Variants in SEC31A observed in about 807,000 individuals in gnomAD.
SEC31A encodes protein transport protein Sec31A.
In SEC31A, 70 loss-of-function variants were observed where a neutral mutation model predicts 151.0. The ratio of observed to expected loss-of-function variants is 0.46; its 90% CI spans 0.38 to 0.57. The LOEUF (loss-of-function observed/expected upper bound fraction) is 0.57, where lower values mean the gene tolerates loss of function less well. Among genes scored for constraint, SEC31A ranks in the 20% least tolerant of loss-of-function variants. The probability of loss-of-function intolerance (pLI) is 0.00; values close to 1 mark genes in which losing one functional copy is unlikely to be tolerated. For missense variants in SEC31A, 1,330 were observed against 1,471.2 expected (o/e 0.90, Z 1.57); for synonymous variants, 475 against 505.9 (o/e 0.94, Z 0.82).
chr4:82,876,201 C>T (rs1287345706), intron 4 of SEC31A, among the ~76,000 whole-genome samples: 1 of 150,410 alleles, frequency 6.6e-6, no homozygotes, highest in Admixed American at 6.7e-5. Context: ...ACTTCCGCCT[C>T]CCGGGTCCAA....
chr4:82,838,232 T>C (rs1727890610), intron 22 of SEC31A, among the ~76,000 whole-genome samples: 1 of 152,202 alleles, frequency 6.6e-6, no homozygotes, highest in Admixed American at 6.5e-5. Flanking sequence ...TTCATGAGAA[T>C]ATACAGTATT....
rs111349659 is a variant in SEC31A at position 82,821,350 on chromosome 4, C to G, written c.3412-242G>C. 2,792 of 370,044 alleles carry G rather than the reference C, an allele frequency of 7.5e-3. 35 individuals carry two copies. Among genetic ancestry groups the G allele is most frequent in the Middle Eastern group, 0.018 (22 of 1,220 alleles). 22.9% of individuals were successfully genotyped at this position (370,044 alleles called of 1,614,324 possible). ...AATCATGAGGTCAGGAGTTTGAGAC[C>G]AGCCTGGTCAACATGGTGAAACCCT... On this transcript the variant is annotated intron_variant, in intron 25 of 26. Transcript: ENST00000395310.
intron 22 of SEC31A, among the ~76,000 whole-genome samples, chr4:82,836,013 T>C (rs1401103823): frequency 6.6e-6 from 1 of 152,072 alleles, no homozygotes; most frequent in African/African-American, 2.4e-5. Context: ...AAAAACAGTG[T>C]GGTGGTTCCT....
chr4:82,868,087 T>C (rs1273598967), intron 8 of SEC31A, among the ~76,000 whole-genome samples: 6 of 152,238 alleles, frequency 3.9e-5, no homozygotes, highest in Non-Finnish European at 2.9e-5. Context: ...ATCTGACTTT[T>C]AATCACGAGA....
At chr4:82,890,830 C>G in intron 1 of SEC31A, 1 of 1,325,896 alleles carries the variant, frequency 7.5e-7, no homozygotes, top group South Asian at 1.9e-5. Flanking sequence ...CGGCAAGACA[C>G]TGTCGCCAGC....
chr4:82,896,657 A>G (rs1720074531), intron 3 of SEC31A, among the ~76,000 whole-genome samples: 1 of 152,172 alleles, frequency 6.6e-6, no homozygotes, highest in Non-Finnish European at 1.5e-5. Flanking sequence ...TACTTAGAGA[A>G]GCTAATTGGA....
At chr4:82,889,018 C>G (rs1053671279) in intron 1 of SEC31A, among the ~76,000 whole-genome samples, 3 of 152,170 alleles carry the variant, frequency 2.0e-5, no homozygotes, top group African/African-American at 7.2e-5. Flanking sequence ...CAGTAAAAAT[C>G]CATTTTCTGC....
intron 12 of SEC31A, among the ~76,000 whole-genome samples, chr4:82,862,958 T>C (rs1414798651): frequency 6.6e-6 from 1 of 152,008 alleles, no homozygotes; most frequent in African/African-American, 2.4e-5. Context: ...GATGTGATCT[T>C]AGTTAGTTCT....
At chr4:82,874,785 G>C (rs777674287) in intron 5 of SEC31A, 34 bp from the exon 6 acceptor site, 14 of 1,579,572 alleles carry the variant, frequency 8.9e-6, no homozygotes, top group South Asian at 4.8e-5. Flanking sequence ...AAAACTGCTT[G>C]TTTCTCTATT....
In SEC31A at chr4:82,864,816, C is replaced by A. The variant is rs543115128; in HGVS notation, c.1198-218G>T. ...TGAGACAGAGTTTCGCTCTTAGTCA[C>A]CCAGGCTGGAGTGCAAAGGTGGGAT... On this transcript the variant is annotated intron_variant, in intron 10 of 26. Coordinates refer to ENST00000395310, the MANE Select transcript of SEC31A (RefSeq NM_001077207.4). 7.9e-5 allele frequency among the ~76,000 whole-genome samples: 12 copies of A among 151,314 alleles called. No homozygotes were observed. The South Asian group carries it at 2.5e-3, about 32-fold the overall frequency.
chr4:82,842,304 G>A lies in SEC31A; in HGVS notation c.2804C>T (p.Pro935Leu). 2 of 1,613,640 alleles carry A rather than the reference G, an allele frequency of 1.2e-6. No individual in the cohort carries two copies. The highest frequency in any genetic ancestry group is 1.7e-6 in the Non-Finnish European group (2 of 1,179,780). ...LYAAQHQASSPTSSPATSFPP... is the reference protein window; with the variant it reads ...LYAAQHQASSLTSSPATSFPP... ...GAAAGAAGTAGCAGGGCTGGAGGTA[G>A]GTGAAGAGGCCTGGTGCTGTGCTGC... Residue 935 changes from proline to leucine, a missense_variant, in exon 22 of 27, where the codon CCT becomes CTT. Coordinates refer to ENST00000395310, the MANE Select transcript of SEC31A (RefSeq NM_001077207.4).
intron 25 of SEC31A, 48 bp downstream of exon 25, chr4:82,824,507 G>C: frequency 6.3e-7 from 1 of 1,595,244 alleles, no homozygotes; most frequent in South Asian, 1.1e-5. Context: ...ACCTGGCCAA[G>C]GATTCTTCTA....
intron 22 of SEC31A, among the ~76,000 whole-genome samples, chr4:82,836,430 G>A (rs923215192): frequency 6.7e-6 from 1 of 149,884 alleles, no homozygotes; most frequent in Non-Finnish European, 1.5e-5. Context: ...ACAGATATTT[G>A]CACATCCCTG....
chr4:82,871,669 A>C (rs1277918656), intron 7 of SEC31A: 2 of 524,456 alleles, frequency 3.8e-6, no homozygotes, highest in Non-Finnish European at 6.7e-6. Flanking sequence ...CCAGCTATAA[A>C]ATTTTTATAA....
rs774064930 is a variant in SEC31A at position 82,851,545 on chromosome 4, G to A, written c.2214C>T (p.Asp738=). ...RKAVQLTQAM[D]TSTVGVLLAA... ...CCAAGAGAACTCCTACAGTACTAGT[G>A]TCCATGGCTTGAGTGAGTTGCACAG... is the stretch of plus-strand genomic sequence containing the variant. Residue 738 remains aspartate (D), a synonymous_variant, in exon 19 of 27, where the codon GAC becomes GAT. Transcript: ENST00000395310. The A allele has an allele frequency of 6.2e-7, 1 of 1,613,758 alleles. No individual in the cohort carries two copies. Among genetic ancestry groups the A allele is most frequent in the Non-Finnish European group, 8.5e-7 (1 of 1,179,774 alleles).
At chr4:82,833,140 G>T (rs919795024) in intron 22 of SEC31A, among the ~76,000 whole-genome samples, 1 of 152,170 alleles carries the variant, frequency 6.6e-6, no homozygotes, top group Non-Finnish European at 1.5e-5. Context: ...CAATAGCAAA[G>T]ACTTGGAACC....
Position 82,874,617 on chromosome 4 carries a change from A to G in SEC31A, c.633T>C (p.Ser211=). Reference sequence around the variant, plus strand: ...AAGTCAATCACATACTTACTCTGTTACTATGGTCACTGACTTTGATGATTG... The same window carrying G: ...AAGTCAATCACATACTTACTCTGTTGCTATGGTCACTGACTTTGATGATTG... The part of the protein sequence containing the change: ...NEPIIKVSDH[S]NRMHCSGLAW... Residue 211 remains serine (S), a synonymous_variant, in exon 6 of 27, where the codon AGT becomes AGC. Coordinates refer to ENST00000395310, the MANE Select transcript of SEC31A (RefSeq NM_001077207.4). 1.9e-6 allele frequency: 3 copies of G among 1,608,808 alleles called. No individual in the cohort carries two copies. The highest frequency in any genetic ancestry group is 2.5e-6 in the Non-Finnish European group (3 of 1,179,062).
chr4:82,864,292 G>A, intron 11 of SEC31A, 70 bp downstream of exon 11: 1 of 1,075,440 alleles, frequency 9.3e-7, no homozygotes, highest in Non-Finnish European at 1.4e-6. Context: ...TAGGAGGACA[G>A]ATTTAGAATA....
upstream of SEC31A, chr4:82,891,252 C>T: frequency 7.3e-7 from 1 of 1,371,106 alleles, no homozygotes; most frequent in African/African-American, 1.5e-5. Flanking sequence ...CTTCCGGGAG[C>T]GACATCTTTC....
Sources: gnomAD v4.1 joint callset for allele counts (sites outside exome capture counted in the v4.1 genomes callset) on GRCh38, gnomAD v4.1.1 for gene constraint, MANE v1.5 for transcripts, NCBI Gene and HGNC (gene_info 2026-07-23, HGNC 2026-07-21) for gene names.